PHTF1: variants seen among roughly 807,000 people sequenced by gnomAD.
PHTF1 encodes protein PHTF1.
Under a neutral mutation model 102.4 loss-of-function variants are expected in PHTF1, and 88 were observed. The ratio of observed to expected loss-of-function variants is 0.86; its 90% confidence interval spans 0.72 to 1.03. The LOEUF (loss-of-function observed/expected upper bound fraction) is 1.03, where lower values mean the gene tolerates loss of function less well. PHTF1 is among the 50% of genes least tolerant of loss of function. The pLI, the probability that PHTF1 is intolerant of heterozygous loss-of-function variation, is 0.00. For synonymous variants in PHTF1, 289 were observed against 305.2 expected (o/e 0.95, Z 0.55); for missense variants, 814 against 909.5 (o/e 0.89, Z 1.35).
chr1:113,697,982 C>A (rs1648973520), intron 18 of PHTF1, among the ~76,000 whole-genome samples: 1 of 152,182 alleles, frequency 6.6e-6, no homozygotes. Flanking sequence ...AAGACCATTA[C>A]CCAGCTCAGG....
intron 7 of PHTF1, among the ~76,000 whole-genome samples, chr1:113,717,264 T>A (rs1282204344): frequency 6.6e-6 from 1 of 151,670 alleles, no homozygotes; most frequent in Non-Finnish European, 1.5e-5. Context: ...AAAATACCCC[T>A]AGAGAAAATC....
intron 11 of PHTF1, among the ~76,000 whole-genome samples, chr1:113,707,453 G>C (rs146150348): frequency 6.6e-6 from 1 of 152,142 alleles, no homozygotes; most frequent in African/African-American, 2.4e-5. Flanking sequence ...GCCCTTCTCT[G>C]AAATGAAAAA....
chr1:113,721,717 T>A (rs1652974457), intron 7 of PHTF1, among the ~76,000 whole-genome samples: 1 of 151,920 alleles, frequency 6.6e-6, no homozygotes, highest in South Asian at 2.1e-4. Context: ...TGAGACAGAG[T>A]CTTGCTCTGT....
intron 3 of PHTF1, among the ~76,000 whole-genome samples, chr1:113,739,762 C>G (rs1387055810): frequency 6.6e-6 from 1 of 152,202 alleles, no homozygotes; most frequent in Non-Finnish European, 1.5e-5. Context: ...CCTCTAATAA[C>G]TACTATTCTA....
intron 11 of PHTF1, 86 bp from the exon 12 acceptor site, chr1:113,706,808 C>A: frequency 3.9e-5 from 29 of 738,340 alleles, no homozygotes; most frequent in Middle Eastern, 2.6e-4. Context: ...CATTTGCCAA[C>A]ACTCTAATAA....
At chr1:113,713,697 G>GA in intron 7 of PHTF1, 1 of 362,640 alleles carries the variant, frequency 2.8e-6, no homozygotes, top group South Asian at 3.0e-5. Context: ...TTGCACAAAA[G>GA]TAGGTTCACA....
intron 5 of PHTF1, among the ~76,000 whole-genome samples, chr1:113,729,973 T>G (rs144629535): frequency 1.9e-3 from 293 of 152,310 alleles, no homozygotes; most frequent in Non-Finnish European, 3.3e-3. Context: ...TCCCAAACAC[T>G]CCTATACCTC....
intron 4 of PHTF1, among the ~76,000 whole-genome samples, 195 bp from the exon 5 acceptor site, chr1:113,738,463 A>C (rs1158439125): frequency 6.6e-6 from 1 of 152,186 alleles, no homozygotes; most frequent in Non-Finnish European, 1.5e-5. Flanking sequence ...GCTCAAAATA[A>C]GTCAGGCTTA....
intron 5 of PHTF1, among the ~76,000 whole-genome samples, chr1:113,729,427 A>G (rs1209450132): frequency 6.6e-6 from 1 of 152,236 alleles, no homozygotes; most frequent in East Asian, 1.9e-4. Context: ...TGTAACACAA[A>G]GGATAAATGC....
At chr1:113,698,713 C>T (rs996416350) in intron 17 of PHTF1, among the ~76,000 whole-genome samples, 8 of 151,222 alleles carry the variant, frequency 5.3e-5, no homozygotes, top group Non-Finnish European at 8.8e-5. Context: ...ACCTGGGTAA[C>T]AAAATTGGAA....
intron 7 of PHTF1, chr1:113,713,680 T>C (rs1015660241): frequency 1.5e-5 from 6 of 408,064 alleles, no homozygotes; most frequent in Non-Finnish European, 2.6e-5. Context: ...GCATATACTT[T>C]TCAGTGTTGC....
Position 113,697,461 on chromosome 1 carries a change from C to G in PHTF1, c.*244G>C, listed in dbSNP as rs959283241. ...TGTCTTTGTGTTACCACAACACACA[C>G]AGTCTTTAGTCAGCTGACTATTCAT... On this transcript the variant is annotated 3_prime_UTR_variant, in exon 19 of 19. Transcript: ENST00000369604. 2.1e-5 allele frequency: 9 copies of G among 419,034 alleles called. No homozygotes were observed. The South Asian group carries it at 2.4e-4, about 11-fold the overall frequency. 26.0% of individuals were successfully genotyped at this position (419,034 alleles called of 1,614,324 possible). A position where few individuals can be genotyped will look rare whatever the true frequency, so the allele number is the denominator to read the frequency against.
At position 113,740,944 on chromosome 1, in the gene PHTF1, G is replaced by A. The variant is rs528001433; in HGVS notation, c.103-2145C>T. The stretch of plus-strand genomic sequence containing the variant: ...TACTCAGGAGGCTGAGGCAGGAGAA[G>A]CACTTGAACTGGGAACATGGAGGTT... On this transcript the variant is annotated intron_variant, in intron 3 of 18. Transcript: ENST00000369604. Among the ~76,000 whole-genome samples, 3 of 152,180 alleles carry A rather than the reference G, an allele frequency of 2.0e-5. No homozygotes were observed. In the South Asian group the frequency reaches 6.2e-4, roughly 32 times the overall value.
At chr1:113,712,831 G>A (rs1246956878) in intron 8 of PHTF1, among the ~76,000 whole-genome samples, 1 of 146,916 alleles carries the variant, frequency 6.8e-6, no homozygotes, top group Non-Finnish European at 1.5e-5. Flanking sequence ...GTGTCTCCCA[G>A]GTTGGAGTGC....
chr1:113,751,450 C>A (rs1434272023), intron 3 of PHTF1, among the ~76,000 whole-genome samples: 3 of 152,142 alleles, frequency 2.0e-5, no homozygotes, highest in African/African-American at 7.2e-5. Context: ...CTATAGATTT[C>A]TAGAAATTTC....
chr1:113,733,866 T>C (rs529291741), intron 5 of PHTF1, among the ~76,000 whole-genome samples: 69 of 152,276 alleles, frequency 4.5e-4, no homozygotes, highest in Admixed American at 9.8e-4. Flanking sequence ...GCTTTATAAA[T>C]AGGTAATGGG....
chr1:113,715,822 C>T (rs1196663840), intron 7 of PHTF1, among the ~76,000 whole-genome samples: 1 of 147,276 alleles, frequency 6.8e-6, no homozygotes, highest in Admixed American at 6.8e-5. Context: ...AACTGACATA[C>T]TGAAGAAATG....
At chr1:113,729,524 T>C (rs943428687) in intron 5 of PHTF1, among the ~76,000 whole-genome samples, 1 of 151,930 alleles carries the variant, frequency 6.6e-6, no homozygotes. Flanking sequence ...TAAATATATA[T>C]ACCTACTATA....
At chr1:113,726,156 T>C (rs1034471789) in intron 6 of PHTF1, among the ~76,000 whole-genome samples, 1 of 152,146 alleles carries the variant, frequency 6.6e-6, no homozygotes, top group African/African-American at 2.4e-5. Flanking sequence ...ATATGATAAA[T>C]TTTATAAAGA....
Sources: allele counts gnomAD v4.1 joint callset (sites outside exome capture counted in the v4.1 genomes callset), GRCh38; gene constraint gnomAD v4.1.1; transcripts MANE v1.5; gene names NCBI Gene and HGNC (gene_info 2026-07-23, HGNC 2026-07-21).